The following NUP62 variants were observed in gnomAD, a reference collection of about 807,000 sequenced individuals.
NUP62 encodes nuclear pore glycoprotein p62.
For missense variants in NUP62, 647 were observed against 689.4 expected (o/e 0.94, Z 0.69); for synonymous variants, 305 against 303.4 (o/e 1.01, Z -0.05).
rs994547728 is a variant in NUP62, at chr19:49,929,479, G to A, written c.-353C>T. ...GTGGCCCTCTTTAGGGAGCCCTGGG[G>A]GGTGGGGAGTCGCGAGCGGGGAATC... is the stretch of plus-strand genomic sequence containing the variant. On this transcript the variant is annotated 5_prime_UTR_variant, in exon 1 of 3. Transcript: ENST00000352066. The A allele has an allele frequency of 3.9e-5, 6 of 152,608 alleles. No individual in the cohort carries two copies. The highest frequency in any genetic ancestry group is 1.4e-4 in the African/African-American group (6 of 41,458). 9.5% of individuals were successfully genotyped at this position (152,608 alleles called of 1,614,324 possible).
At position 49,908,607 on chromosome 19, in the gene NUP62, TCTG is replaced by T; in HGVS notation, c.1198_1200del (p.Gln400del). On this transcript the variant is annotated inframe_deletion, in exon 3 of 3. Coordinates refer to ENST00000352066, the MANE Select transcript of NUP62 (RefSeq NM_016553.5). ...GGGCTCAGCAGGTCTTCCAGCTCCT[TCTG>T]CTGGGACAGGATGAAGTCGAGCTCC... 1 of 1,613,942 alleles carries T rather than the reference TCTG, an allele frequency of 6.2e-7. No homozygotes were observed. The highest frequency in any genetic ancestry group is 8.5e-7 in the Non-Finnish European group (1 of 1,180,006).
At position 49,909,437 on chromosome 19, in the gene NUP62, G is replaced by C; in HGVS notation, c.371C>G (p.Ala124Gly). 6.2e-7 allele frequency: 1 copy of C among 1,614,028 alleles called. No individual in the cohort carries two copies. The highest frequency in any genetic ancestry group is 8.5e-7 in the Non-Finnish European group (1 of 1,180,030). ...FGLGSSNLTN[A>G]ISSTVTSSQG... The stretch of plus-strand genomic sequence containing the variant: ...GCTGGAGGTGACGGTGCTCGATATG[G>C]CATTAGTGAGGTTGCTGCTGCCCAG... Residue 124 changes from alanine to glycine, a missense_variant, in exon 3 of 3, where the codon GCC (alanine) becomes GGC (glycine). By Grantham distance (60) the Ala-to-Gly change is moderately conservative (BLOSUM62 0). Coordinates refer to ENST00000352066, the MANE Select transcript of NUP62 (RefSeq NM_016553.5).
chr19:49,912,056 G>A (rs1178050380), intron 2 of NUP62, among the ~76,000 whole-genome samples: 3 of 151,976 alleles, frequency 2.0e-5, no homozygotes, highest in Non-Finnish European at 4.4e-5. Flanking sequence ...CTATTAATAA[G>A]TTGTAGCTAA....
At position 49,909,180 on chromosome 19, in the gene NUP62, G is replaced by A. The variant is rs1395017652; in HGVS notation, c.628C>T (p.Pro210Ser). ...AGATQPAAPT[P>S]TATITSTGPS... The stretch of plus-strand genomic sequence containing the variant: ...CCAGTGCTGGTGATGGTGGCTGTGG[G>A]TGTGGGAGCAGCTGGCTGTGTGGCA... The change falls in exon 3 of 3, where the codon CCC becomes TCC. Residue 210 changes from proline (P) to serine (S), a missense_variant. By Grantham distance (74) the Pro-to-Ser change is moderately conservative (BLOSUM62 -1). Transcript: ENST00000352066. The A allele has an allele frequency of 6.2e-7, 1 of 1,613,612 alleles. No homozygotes were observed. The highest frequency in any genetic ancestry group is 1.1e-5 in the South Asian group (1 of 91,062).
At chr19:49,922,487 T>G (rs979326711) in intron 2 of NUP62, among the ~76,000 whole-genome samples, 2 of 151,920 alleles carry the variant, frequency 1.3e-5, no homozygotes, top group African/African-American at 4.8e-5. Context: ...TCCGTCTCAC[T>G]GCTTGTAAAG....
chr19:49,925,215 G>A (rs1289626348), intron 2 of NUP62, among the ~76,000 whole-genome samples: 1 of 151,888 alleles, frequency 6.6e-6, no homozygotes, highest in African/African-American at 2.4e-5. Context: ...GAGCCGAGAT[G>A]GCACCATTGC....
chr19:49,910,967 G>A (rs2075448032), intron 2 of NUP62: 1 of 152,266 alleles, frequency 6.6e-6, no homozygotes, highest in Non-Finnish European at 1.5e-5. Flanking sequence ...GCAGTGACAT[G>A]ATCACAACTC....
In NUP62 at chr19:49,908,485, A is replaced by G. The variant is rs892028; in HGVS notation, c.1323T>C (p.Asp441=). ...EKTYKLAENI[D]AQLKRMAQDL... is the part of the protein sequence containing the mutation. ...CCTGGGCCATGCGCTTGAGCTGTGC[A>G]TCGATGTTCTCAGCCAGCTTGTAGG... is the stretch of plus-strand genomic sequence containing the variant. Residue 441 remains aspartate, a synonymous_variant, in exon 3 of 3, where the codon GAT becomes GAC. Coordinates refer to ENST00000352066, the MANE Select transcript of NUP62 (RefSeq NM_016553.5). 0.93 allele frequency: 1,504,438 copies of G among 1,614,114 alleles called. 701,542 individuals carry two copies. Among genetic ancestry groups the G allele is most frequent in the East Asian group, 1 (44,871 of 44,880 alleles).
chr19:49,920,191 TC>T (rs1600543203), intron 2 of NUP62, among the ~76,000 whole-genome samples: 1 of 152,140 alleles, frequency 6.6e-6, no homozygotes, highest in Non-Finnish European at 1.5e-5. Context: ...CAAGCTATTC[TC>T]CTGCCTCAGC....
At chr19:49,924,501 C>G (rs147540590) in intron 2 of NUP62, among the ~76,000 whole-genome samples, 2,521 of 152,272 alleles carry the variant, frequency 0.017, 69 homozygotes, top group African/African-American at 0.057. Flanking sequence ...TGCCTGCAAC[C>G]ACCGCCTCAC....
rs760900868 is a variant in NUP62 at position 49,909,053 on chromosome 19, C to T, written c.755G>A (p.Gly252Glu). The change falls in exon 3 of 3, where the codon GGG (glycine) becomes GAG (glutamate). Residue 252 changes from glycine to glutamate, a missense_variant. Physicochemically the swap from Gly to Glu is moderately conservative, Grantham distance 98 (BLOSUM62 -2). Coordinates refer to ENST00000352066, the MANE Select transcript of NUP62 (RefSeq NM_016553.5). ...PVTTAGAPTA[G>E]TQGFSLKAPG... ...TGCCTTTAAGCTGAAGCCCTGTGTC[C>T]CAGCAGTGGGGGCGCCCGCTGTGGT... 1 of 1,613,064 alleles carries T rather than the reference C, an allele frequency of 6.2e-7. No homozygotes were observed. The highest frequency in any genetic ancestry group is 1.1e-5 in the South Asian group (1 of 91,054).
In NUP62 at chr19:49,907,541, T is replaced by TC. The variant is rs1568695753; in HGVS notation, c.*697_*698insG. On this transcript the variant is annotated 3_prime_UTR_variant, in exon 3 of 3. Coordinates refer to ENST00000352066, the MANE Select transcript of NUP62 (RefSeq NM_016553.5). ...GCTGCTGTCTCCTGGGAGTTTCTTTTTTTTTTTTTTTTTTTTTGAGACAGA... is the reference window on the plus strand; with the variant it reads ...GCTGCTGTCTCCTGGGAGTTTCTTTTCTTTTTTTTTTTTTTTTTGAGACAGA... 7.4e-6 allele frequency: 2 copies of TC among 269,192 alleles called. No individual in the cohort carries two copies. Among genetic ancestry groups the TC allele is most frequent in the African/African-American group, 4.8e-5 (2 of 41,954 alleles). 16.7% of individuals were successfully genotyped at this position (269,192 alleles called of 1,614,324 possible).
chr19:49,919,253 C>A (rs2075706085), intron 2 of NUP62, among the ~76,000 whole-genome samples: 1 of 152,320 alleles, frequency 6.6e-6, no homozygotes, highest in East Asian at 1.9e-4. Flanking sequence ...TTCCCTGAGT[C>A]CCACAGCCTC....
intron 1 of NUP62, chr19:49,928,667 A>C (rs1042058378): frequency 2.0e-5 from 3 of 152,160 alleles, no homozygotes; most frequent in African/African-American, 7.2e-5. Context: ...AAGAGAACTT[A>C]AGTTATTTGC....
intron 2 of NUP62, among the ~76,000 whole-genome samples, chr19:49,915,871 T>C (rs1432790962): frequency 1.3e-5 from 2 of 152,152 alleles, no homozygotes; most frequent in Admixed American, 1.3e-4. Context: ...CCATCTATGA[T>C]GGGAGGGAAG....
chr19:49,913,706 C>T (rs1055139640), intron 2 of NUP62, among the ~76,000 whole-genome samples: 4 of 152,216 alleles, frequency 2.6e-5, no homozygotes, highest in African/African-American at 9.6e-5. Flanking sequence ...CATAATAAAC[C>T]GTGACCGTGA....
Position 49,909,840 on chromosome 19 carries a change from G to A in NUP62, c.-33C>T, listed in dbSNP as rs781674717. On this transcript the variant is annotated 5_prime_UTR_variant, in exon 3 of 3. Transcript: ENST00000352066. ...GACTCTGGTGGCGGCAGCTACTCTG[G>A]CTCCCAAAGCAAATCCGTCGGTGTC... The A allele has an allele frequency of 1.2e-6, 2 of 1,608,292 alleles. No individual in the cohort carries two copies. The highest frequency in any genetic ancestry group is 2.2e-5 in the East Asian group (1 of 44,850).
At chr19:49,913,886 G>A (rs2075549620) in intron 2 of NUP62, among the ~76,000 whole-genome samples, 1 of 152,184 alleles carries the variant, frequency 6.6e-6, no homozygotes, top group Non-Finnish European at 1.5e-5. Context: ...GGACTTTATG[G>A]GTGTGGGGGA....
intron 2 of NUP62, among the ~76,000 whole-genome samples, chr19:49,923,085 GC>G (rs2075802683): frequency 6.7e-6 from 1 of 149,106 alleles, no homozygotes; most frequent in African/African-American, 2.5e-5. Context: ...CTTTTTTTTT[GC>G]ATAAGAGCTG....
Sources: allele counts gnomAD v4.1 joint callset (sites outside exome capture counted in the v4.1 genomes callset), GRCh38; gene constraint gnomAD v4.1.1; transcripts MANE v1.5; gene names NCBI Gene and HGNC (gene_info 2026-07-23, HGNC 2026-07-21).